The following ZNF268 variants were observed in gnomAD, a reference collection of about 807,000 sequenced individuals.
ZNF268 encodes the protein zinc finger protein 268.
A neutral mutation model predicts 29.3 loss-of-function variants in ZNF268; 20 were observed. The ratio of observed to expected loss-of-function variants is 0.68; its 90% CI spans 0.48 to 0.99. ZNF268 has a LOEUF of 0.99. Among genes scored for constraint, ZNF268 ranks in the 50% least tolerant of loss-of-function variants. The probability of loss-of-function intolerance (pLI) is 0.00; values close to 1 mark genes in which losing one functional copy is unlikely to be tolerated. For synonymous variants in ZNF268, 429 were observed against 376.9 expected (o/e 1.14, Z -1.60); for missense variants, 1,240 against 1,121.6 (o/e 1.11, Z -1.51).
chr12:133,182,234 C>G lies in ZNF268; in HGVS notation c.33+204C>G, dbSNP rs529853255. Among the ~76,000 whole-genome samples, 24 of 152,290 alleles carry G rather than the reference C, an allele frequency of 1.6e-4. No homozygotes were observed. In the South Asian group the frequency reaches 5.0e-3, roughly 32 times the overall value. ...CCTTTTTTCCTCCTTTCATCAATCT[C>G]TTTTCTAACAACTTTGTACGCTGAA... On this transcript the variant is annotated intron_variant, in intron 2 of 5. Coordinates refer to ENST00000536435, the MANE Select transcript of ZNF268 (RefSeq NM_003415.3).
At chr12:133,182,571 A>G (rs1956204618) in intron 2 of ZNF268, among the ~76,000 whole-genome samples, 1 of 152,146 alleles carries the variant, frequency 6.6e-6, no homozygotes, top group African/African-American at 2.4e-5. Flanking sequence ...ACATGCAGGA[A>G]TGGGTCAGTT....
intron 2 of ZNF268, among the ~76,000 whole-genome samples, chr12:133,187,230 GC>G (rs2135488461): frequency 6.7e-6 from 1 of 149,490 alleles, no homozygotes. Context: ...GGTCGTTGGC[GC>G]TTTTTTATGT....
At chr12:133,190,680 C>T (rs1044841156) in intron 3 of ZNF268, among the ~76,000 whole-genome samples, 1 of 152,192 alleles carries the variant, frequency 6.6e-6, no homozygotes, top group Admixed American at 6.5e-5. Flanking sequence ...GTCTTCTCTT[C>T]TGGGTACCAA....
At position 133,204,392 on chromosome 12, in the gene ZNF268, T is replaced by C. The variant is rs1287108845; in HGVS notation, c.2706T>C (p.Ser902=). 6.4e-7 allele frequency: 1 copy of C among 1,571,344 alleles called. No individual in the cohort carries two copies. The highest frequency in any genetic ancestry group is 1.2e-5 in the South Asian group (1 of 86,718). ...GCAATGAATGTGGGAAAACCTTCTC[T>C]CAAAAATCAATTCTCAGTGCACATC... The part of the protein sequence containing the change: ...YGCNECGKTF[S]QKSILSAHQR... Residue 902 remains serine, a synonymous_variant, in exon 6 of 6, where the codon TCT becomes TCC. Coordinates refer to ENST00000536435, the MANE Select transcript of ZNF268 (RefSeq NM_003415.3).
chr12:133,183,114 CTGA>C (rs1956219656), intron 2 of ZNF268, among the ~76,000 whole-genome samples: 1 of 152,180 alleles, frequency 6.6e-6, no homozygotes, highest in Non-Finnish European at 1.5e-5. Flanking sequence ...ACTCTAATGC[CTGA>C]TGATCTGAAG....
intron 5 of ZNF268, among the ~76,000 whole-genome samples, chr12:133,201,871 T>A (rs780559449): frequency 5.8e-4 from 88 of 152,118 alleles, no homozygotes; most frequent in Non-Finnish European, 1.1e-3. Context: ...CTTTTAAACT[T>A]CTTATCAGTT....
rs760855683 is a variant in ZNF268 at position 133,202,135 on chromosome 12, C to T, written c.458-9C>T. 6.4e-7 allele frequency: 1 copy of T among 1,552,044 alleles called. No homozygotes were observed. On this transcript the variant is annotated splice_polypyrimidine_tract_variant and intron_variant, in intron 5 of 5. Transcript: ENST00000536435. ...TTTATAACATGTGACCAATTGTTCT[C>T]ATTTCTAGACACAGTCTGGAAAATT...
Position 133,206,439 on chromosome 12 carries a change from T to C in ZNF268, c.*1909T>C, listed in dbSNP as rs985200902. ...AAGATTATGTGTCAGTGATACTACT[T>C]AGTTACATGTAGCTATAGAGTCACA... On this transcript the variant is annotated 3_prime_UTR_variant, in exon 6 of 6. Transcript: ENST00000536435. The C allele has an allele frequency of 6.6e-6, 1 of 152,196 alleles. No individual in the cohort carries two copies. The highest frequency in any genetic ancestry group is 1.5e-5 in the Non-Finnish European group (1 of 68,034). The allele number at this position is 152,196 out of a possible 1,614,324, so 9.4% of individuals were successfully genotyped here.
intron 2 of ZNF268, among the ~76,000 whole-genome samples, chr12:133,183,916 A>G (rs1420120800): frequency 6.6e-6 from 1 of 152,228 alleles, no homozygotes; most frequent in Non-Finnish European, 1.5e-5. Flanking sequence ...AACCTCAAAA[A>G]TGCTTGTCAA....
rs1956993150 is a variant in ZNF268, at chr12:133,212,317, A to G, written c.*7787A>G. 6.6e-6 allele frequency: 1 copy of G among 151,608 alleles called. No individual in the cohort carries two copies. The highest frequency in any genetic ancestry group is 2.1e-4 in the South Asian group (1 of 4,802). The allele number at this position is 151,608 out of a possible 1,614,324, so 9.4% of individuals were successfully genotyped here. ...TGAAATTATGCTGGGTGTGTGTGGA[A>G]GAGCCTGGGATGTATAATGCCAGCA... On this transcript the variant is annotated 3_prime_UTR_variant, in exon 6 of 6. Coordinates refer to ENST00000536435, the MANE Select transcript of ZNF268 (RefSeq NM_003415.3).
chr12:133,184,678 G>T, intron 2 of ZNF268: 1 of 450,494 alleles, frequency 2.2e-6, no homozygotes, highest in Non-Finnish European at 4.5e-6. Context: ...GAGTGCAGTG[G>T]CTATCTCTGC....
Position 133,187,918 on chromosome 12 carries a change from A to G in ZNF268, c.80A>G (p.Lys27Arg), listed in dbSNP as rs1392080286. 1 of 1,600,996 alleles carries G rather than the reference A, an allele frequency of 6.2e-7. No individual in the cohort carries two copies. The highest frequency in any genetic ancestry group is 8.5e-7 in the Non-Finnish European group (1 of 1,173,626). ...ERNSSWDRIRKLQGQESILGQ... is the reference protein window; with the variant it reads ...ERNSSWDRIRRLQGQESILGQ... ...AACAGTTCATGGGATAGGATCAGAA[A>G]GCTCCAAGGTCAGGAATCCATCTTG... The change falls in exon 3 of 6, where the codon AAG becomes AGG. Residue 27 changes from lysine (K) to arginine (R), a missense_variant. Around this residue, in one of 3 missense-constraint regions of ZNF268, gnomAD observed 51 missense variants for 51.4 expected, o/e 0.99. Coordinates refer to ENST00000536435, the MANE Select transcript of ZNF268 (RefSeq NM_003415.3).
intron 5 of ZNF268, 144 bp downstream of exon 5, chr12:133,192,147 G>A: frequency 1.6e-6 from 1 of 625,272 alleles, no homozygotes; most frequent in Non-Finnish European, 2.6e-6. Context: ...TCACTTTGTT[G>A]CCCAGGCTGG....
Position 133,187,927 on chromosome 12 carries a change from GTC to G in ZNF268, c.90_91del (p.Gln31GlyfsTer84). On this transcript the variant is annotated frameshift_variant, in exon 3 of 6. Coordinates refer to ENST00000536435, the MANE Select transcript of ZNF268 (RefSeq NM_003415.3). LOFTEE classifies it high-confidence loss of function. ...TGGGATAGGATCAGAAAGCTCCAAG[GTC>G]AGGAATCCATCTTGGGCCAAGGGAC... 1.9e-6 allele frequency: 3 copies of G among 1,600,760 alleles called. No homozygotes were observed. The South Asian group carries it at 3.4e-5, about 18-fold the overall frequency.
chr12:133,204,491 CAT>C lies in ZNF268; in HGVS notation c.2806_2807del (p.Ile936TyrfsTer9). On this transcript the variant is annotated frameshift_variant, in exon 6 of 6. Transcript: ENST00000536435. LOFTEE classifies it high-confidence loss of function. ...GKAFCWKSQL[I>X]MHQRTHVDDK... ...AAGCCTTTTGTTGGAAGTCACAGCT[CAT>C]TATGCATCAGAGAACTCATGTAGAT... is the stretch of plus-strand genomic sequence containing the variant. 3 of 1,536,044 alleles carry C rather than the reference CAT, an allele frequency of 2.0e-6. No homozygotes were observed. The East Asian group carries it at 7.3e-5, about 37-fold the overall frequency.
chr12:133,211,394 C>T lies in ZNF268; in HGVS notation c.*6864C>T, dbSNP rs1956978249. The stretch of plus-strand genomic sequence containing the variant: ...GTCCGGAGTTCGAGACCAGCCTGAC[C>T]AACATGGAGAAACCCTGTCTCTACT... On this transcript the variant is annotated 3_prime_UTR_variant, in exon 6 of 6. Transcript: ENST00000536435. 4.0e-6 allele frequency: 1 copy of T among 252,090 alleles called. No individual in the cohort carries two copies. Among genetic ancestry groups the T allele is most frequent in the South Asian group, 4.1e-5 (1 of 24,642 alleles). The allele number at this position is 252,090 out of a possible 1,614,324, so 15.6% of individuals were successfully genotyped here. A position where few individuals can be genotyped will look rare whatever the true frequency, so the allele number is the denominator to read the frequency against.
At chr12:133,191,850 A>G in intron 4 of ZNF268, 58 bp from the exon 5 acceptor site, 1 of 1,585,348 alleles carries the variant, frequency 6.3e-7, no homozygotes, top group Non-Finnish European at 8.7e-7. Context: ...CCCGTTCTTC[A>G]GAATCTCTGA....
Position 133,187,735 on chromosome 12 carries a change from C to CT in ZNF268, c.34-136dup, listed in dbSNP as rs907592721. Reference sequence around the variant, plus strand: ...TCAGGAAGCCATTTCTTTTCTGCCTCTAACCCTGCATTTCCTGAAGTTAAA... The same window carrying CT: ...TCAGGAAGCCATTTCTTTTCTGCCTCTTAACCCTGCATTTCCTGAAGTTAAA... On this transcript the variant is annotated intron_variant, in intron 2 of 5. Coordinates refer to ENST00000536435, the MANE Select transcript of ZNF268 (RefSeq NM_003415.3). 16 of 835,748 alleles carry CT rather than the reference C, an allele frequency of 1.9e-5. No homozygotes were observed. In the African/African-American group the frequency reaches 2.8e-4, roughly 14 times the overall value. 51.8% of individuals were successfully genotyped at this position (835,748 alleles called of 1,614,324 possible).
At chr12:133,200,864 C>T (rs1956736694) in intron 5 of ZNF268, among the ~76,000 whole-genome samples, 1 of 152,052 alleles carries the variant, frequency 6.6e-6, no homozygotes, top group African/African-American at 2.4e-5. Flanking sequence ...CTAATGATTG[C>T]TCAGTATAGA....
Sources: allele counts gnomAD v4.1 joint callset (sites outside exome capture counted in the v4.1 genomes callset), GRCh38; gene constraint gnomAD v4.1.1; regional missense constraint gnomAD v4.1.1; transcripts MANE v1.5; gene names NCBI Gene and HGNC (gene_info 2026-07-23, HGNC 2026-07-21).